Variants in ERC1 observed in about 807,000 individuals in gnomAD.
The protein encoded by ERC1 is ELKS/RAB6-interacting/CAST family member 1, also known as RAB6 interacting protein 2.
ERC1 carries 56 observed loss-of-function variants against 132.0 expected under a neutral mutation model. The ratio of observed to expected loss-of-function variants is 0.42; its 90% CI spans 0.34 to 0.53. The LOEUF is 0.53. Among genes scored for constraint, ERC1 ranks in the 20% least tolerant of loss-of-function variants. The probability of loss-of-function intolerance (pLI) is 0.03; values close to 1 mark genes in which losing one functional copy is unlikely to be tolerated. For missense variants in ERC1, 1,202 were observed against 1,349.9 expected (o/e 0.89, Z 1.72); for synonymous variants, 478 against 476.1 (o/e 1.00, Z -0.05).
intron 2 of ERC1, among the ~76,000 whole-genome samples, chr12:1,060,607 AC>A (rs1973830748): frequency 6.6e-6 from 1 of 151,660 alleles, no homozygotes; most frequent in Admixed American, 6.6e-5. Context: ...AAAAGCGGAA[AC>A]CCCTGATAAA....
intron 12 of ERC1, among the ~76,000 whole-genome samples, chr12:1,192,446 C>T (rs1373185087): frequency 6.6e-6 from 1 of 152,162 alleles, no homozygotes; most frequent in East Asian, 1.9e-4. Context: ...CCTATGTTGC[C>T]ATTCCACTAT....
chr12:1,255,831 G>T (rs2076776323), intron 13 of ERC1, among the ~76,000 whole-genome samples: 1 of 151,218 alleles, frequency 6.6e-6, no homozygotes, highest in Non-Finnish European at 1.5e-5. Context: ...AGTAGAGACG[G>T]GGTTTCACCA....
At chr12:1,151,181 A>C (rs1012807033) in intron 8 of ERC1, among the ~76,000 whole-genome samples, 3 of 152,250 alleles carry the variant, frequency 2.0e-5, no homozygotes, top group Admixed American at 2.0e-4. Context: ...TGATTTTGAG[A>C]GAGCTCAAAA....
At position 1,082,883 on chromosome 12, in the gene ERC1, C is replaced by G. The variant is rs150528579; in HGVS notation, c.670-281C>G. Among the ~76,000 whole-genome samples the G allele has an allele frequency of 2.0e-5, 3 of 152,278 alleles. No homozygotes were observed. In the East Asian group the frequency reaches 5.8e-4, roughly 29 times the overall value. On this transcript the variant is annotated intron_variant, in intron 2 of 18. Transcript: ENST00000360905. ...TCAAATTTAGTTTCCGTGTTAATAT[C>G]TTCTATTAATTTTGAACAGTGTCTT...
chr12:1,047,091 A>AT (rs1971187816), intron 2 of ERC1, among the ~76,000 whole-genome samples: 1 of 152,146 alleles, frequency 6.6e-6, no homozygotes, highest in African/African-American at 2.4e-5. Context: ...AGGTCTGTTG[A>AT]TTGAAATGTC....
rs370165236 is a variant in ERC1 at position 1,121,837 on chromosome 12, A to ATC, written c.1569+5806_1569+5807dup. 9.1e-4 allele frequency among the ~76,000 whole-genome samples: 4 copies of ATC among 4,372 alleles called. 1 individual carries two copies. Among genetic ancestry groups the ATC allele is most frequent in the Non-Finnish European group, 4.5e-3 (4 of 890 alleles). The allele number at this position is 4,372 out of a possible 152,430, so 2.9% of individuals were successfully genotyped here. ...TATCTCTATCTGTGTCTCTATCTCT[A>ATC]TCTATCTCTATCTCTATCTCTATCT... is the stretch of plus-strand genomic sequence containing the variant. On this transcript the variant is annotated intron_variant, in intron 7 of 18. Coordinates refer to ENST00000360905, the MANE Select transcript of ERC1 (RefSeq NM_178040.4).
chr12:1,337,420 A>C (rs538118500), intron 15 of ERC1, among the ~76,000 whole-genome samples: 1 of 148,680 alleles, frequency 6.7e-6, no homozygotes, highest in African/African-American at 2.5e-5. Flanking sequence ...ATTTATTTTG[A>C]GTCTGTGGGT....
intron 15 of ERC1, among the ~76,000 whole-genome samples, chr12:1,332,802 A>G (rs2082968336): frequency 6.6e-6 from 1 of 152,174 alleles, no homozygotes; most frequent in Non-Finnish European, 1.5e-5. Flanking sequence ...AGGTGGGGAA[A>G]ATAATAAACT....
chr12:1,301,743 A>T (rs553811429), intron 15 of ERC1, among the ~76,000 whole-genome samples: 1 of 152,162 alleles, frequency 6.6e-6, no homozygotes, highest in African/African-American at 2.4e-5. Flanking sequence ...TGAGCGATGA[A>T]ATAGTCTGTA....
At chr12:1,415,668 A>G (rs1164710491) in intron 17 of ERC1, among the ~76,000 whole-genome samples, 1 of 152,236 alleles carries the variant, frequency 6.6e-6, no homozygotes, top group African/African-American at 2.4e-5. Context: ...GGTGCAGTGA[A>G]TTGCACTGCT....
chr12:1,032,992 C>T (rs1968343717), intron 2 of ERC1, among the ~76,000 whole-genome samples: 1 of 151,948 alleles, frequency 6.6e-6, no homozygotes, highest in Admixed American at 6.6e-5. Flanking sequence ...CCTGTCTCAG[C>T]CTCTGGAGTA....
At chr12:1,143,844 G>A (rs1475924518) in intron 8 of ERC1, among the ~76,000 whole-genome samples, 1 of 151,794 alleles carries the variant, frequency 6.6e-6, no homozygotes, top group East Asian at 1.9e-4. Flanking sequence ...TTGTTATAAA[G>A]TGTTATATTT....
chr12:1,219,125 G>A (rs777797565), intron 12 of ERC1, among the ~76,000 whole-genome samples: 6 of 151,940 alleles, frequency 3.9e-5, no homozygotes, highest in Non-Finnish European at 7.4e-5. Flanking sequence ...CACCCGCCTT[G>A]GCCTCCCAAA....
intron 12 of ERC1, among the ~76,000 whole-genome samples, chr12:1,200,110 C>A (rs1956766172): frequency 2.0e-5 from 3 of 151,986 alleles, no homozygotes; most frequent in Admixed American, 2.0e-4. Flanking sequence ...TTTAAATTTT[C>A]TTTTAAAGAT....
chr12:1,279,554 G>A (rs963182953), intron 14 of ERC1, among the ~76,000 whole-genome samples: 3 of 151,642 alleles, frequency 2.0e-5, no homozygotes, highest in Admixed American at 1.3e-4. Flanking sequence ...AAGTTAGAGC[G>A]ATGTGAAAAA....
At chr12:1,432,211 T>C (rs1447291845) in intron 17 of ERC1, among the ~76,000 whole-genome samples, 1 of 152,216 alleles carries the variant, frequency 6.6e-6, no homozygotes, top group Non-Finnish European at 1.5e-5. Context: ...ACCTCTGCTG[T>C]TGTAGTGTGA....
At chr12:1,056,937 C>T (rs1487306617) in intron 2 of ERC1, among the ~76,000 whole-genome samples, 2 of 152,124 alleles carry the variant, frequency 1.3e-5, no homozygotes, top group Non-Finnish European at 2.9e-5. Flanking sequence ...TAAATAATTT[C>T]TTTCTACCTC....
intron 15 of ERC1, among the ~76,000 whole-genome samples, chr12:1,355,773 C>T (rs1384967641): frequency 6.6e-6 from 1 of 152,036 alleles, no homozygotes; most frequent in African/African-American, 2.4e-5. Context: ...GAGGTGGGCA[C>T]CAGTGAACCA....
chr12:1,078,843 A>G (rs777809351), intron 2 of ERC1, among the ~76,000 whole-genome samples: 28 of 152,046 alleles, frequency 1.8e-4, no homozygotes, highest in Non-Finnish European at 2.9e-4. Context: ...AAAGATACAT[A>G]TAGAAATGAT....
Sources: allele counts gnomAD v4.1 joint callset (sites outside exome capture counted in the v4.1 genomes callset), GRCh38; gene constraint gnomAD v4.1.1; transcripts MANE v1.5; gene names NCBI Gene and HGNC (gene_info 2026-07-23, HGNC 2026-07-21).